ORC5: variants seen among roughly 807,000 people sequenced by gnomAD.
The protein encoded by ORC5 is protein phosphatase 1, regulatory subunit 117.
In ORC5, 39 loss-of-function variants were observed where a neutral mutation model predicts 58.8. The observed-to-expected ratio is 0.66, with a 90% CI of 0.51 to 0.87. The LOEUF is 0.87. Ranked by LOEUF, ORC5 falls within the 40% of genes least tolerant of loss-of-function variation. ORC5 has a pLI of 0.00. For synonymous variants in ORC5, 218 were observed against 177.6 expected (o/e 1.23, Z -1.81); for missense variants, 493 against 506.3 (o/e 0.97, Z 0.25).
At chr7:104,172,729 G>C (rs1457303990) in intron 8 of ORC5, among the ~76,000 whole-genome samples, 2 of 152,146 alleles carry the variant, frequency 1.3e-5, no homozygotes, top group East Asian at 3.8e-4. Context: ...AAAGCCTAGA[G>C]GTTTTAGGAC....
chr7:104,207,704 C>T, intron 1 of ORC5, 129 bp downstream of exon 1: 1 of 747,744 alleles, frequency 1.3e-6, no homozygotes, highest in South Asian at 1.7e-5. Flanking sequence ...AGAACCACAA[C>T]ACCCCTATTT....
At position 104,164,777 on chromosome 7, in the gene ORC5, G is replaced by C. The variant is rs139032798; in HGVS notation, c.1038+458C>G. Among the ~76,000 whole-genome samples, 747 of 152,266 alleles carry C rather than the reference G, an allele frequency of 4.9e-3. 4 individuals carry two copies. The highest frequency in any genetic ancestry group is 0.017 in the Middle Eastern group (5 of 294). On this transcript the variant is annotated intron_variant, in intron 11 of 13. Coordinates refer to ENST00000297431, the MANE Select transcript of ORC5 (RefSeq NM_002553.4). ...TTTCCAGATTCCTAAGGCCAAATTA[G>C]CTAAGTTTGAGGCTTAGGTTTTAGC...
chr7:104,188,150 T>C, intron 6 of ORC5, 101 bp downstream of exon 6: 1 of 1,006,602 alleles, frequency 9.9e-7, no homozygotes, highest in East Asian at 2.7e-5. Flanking sequence ...TCTCATACCA[T>C]TTCTACATGG....
At chr7:104,191,374 T>C (rs1237491722) in intron 5 of ORC5, among the ~76,000 whole-genome samples, 2 of 151,960 alleles carry the variant, frequency 1.3e-5, no homozygotes, top group African/African-American at 4.8e-5. Flanking sequence ...TTAACATACA[T>C]AAAGCAAAAC....
intron 1 of ORC5, among the ~76,000 whole-genome samples, chr7:104,205,888 G>T (rs1800068763): frequency 6.6e-6 from 1 of 152,118 alleles, no homozygotes; most frequent in African/African-American, 2.4e-5. Context: ...AAACACCTGT[G>T]GTCCCAGCTA....
intron 5 of ORC5, among the ~76,000 whole-genome samples, chr7:104,192,207 A>G (rs10272659): frequency 0.1 from 15,626 of 152,170 alleles, 2,657 homozygotes; most frequent in African/African-American, 0.36. Flanking sequence ...GAGGGGAGGA[A>G]GCTATGCCAA....
chr7:104,171,461 T>C (rs914796870), intron 8 of ORC5, among the ~76,000 whole-genome samples: 2 of 152,234 alleles, frequency 1.3e-5, no homozygotes, highest in African/African-American at 4.8e-5. Context: ...GTTTCTTTAA[T>C]ATATGGTGCT....
rs1174546716 is a variant in ORC5, at chr7:104,200,875, A to G, written c.249T>C (p.Leu83=). The G allele has an allele frequency of 1.2e-6, 2 of 1,613,196 alleles. No homozygotes were observed. Among genetic ancestry groups the G allele is most frequent in the Non-Finnish European group, 1.7e-6 (2 of 1,179,188 alleles). The part of the protein sequence containing the change: ...LEQILNKLNH[L]SSSEDGCSTE... ...TAGAACATCCATCCTCTGAAGAACT[A>G]AGATGATTCAATTTGTTTAAAATTT... Residue 83 remains leucine (L), a synonymous_variant, in exon 3 of 14, where the codon CTT becomes CTC. Transcript: ENST00000297431.
intron 5 of ORC5, among the ~76,000 whole-genome samples, chr7:104,190,753 G>C (rs1253523082): frequency 6.6e-6 from 1 of 151,746 alleles, no homozygotes; most frequent in Non-Finnish European, 1.5e-5. Flanking sequence ...TAGTTCCAGA[G>C]GGCTCAAGTT....
intron 10 of ORC5, 21 bp from the exon 11 acceptor site, chr7:104,165,303 T>C (rs762327230): frequency 6.9e-7 from 1 of 1,439,798 alleles, no homozygotes; most frequent in Non-Finnish European, 9.6e-7. Flanking sequence ...GGAAAACAAA[T>C]TTTAAGTTGA....
rs185983491 is a variant in ORC5 at position 104,164,836 on chromosome 7, T to C, written c.1038+399A>G. Among the ~76,000 whole-genome samples the C allele has an allele frequency of 2.6e-5, 4 of 152,310 alleles. No homozygotes were observed. In the East Asian group the frequency reaches 7.7e-4, roughly 29 times the overall value. On this transcript the variant is annotated intron_variant, in intron 11 of 13. Coordinates refer to ENST00000297431, the MANE Select transcript of ORC5 (RefSeq NM_002553.4). ...TAATCTGCTTGGTCACCTCAATATC[T>C]ACCTACCATGCAATTGCAAATTCTG...
At chr7:104,171,896 T>C (rs1799218811) in intron 8 of ORC5, among the ~76,000 whole-genome samples, 2 of 152,144 alleles carry the variant, frequency 1.3e-5, no homozygotes, top group East Asian at 3.8e-4. Flanking sequence ...ACTTTGATTC[T>C]CCAGTAGCCA....
intron 12 of ORC5, among the ~76,000 whole-genome samples, chr7:104,156,377 A>G (rs944826263): frequency 1.3e-5 from 2 of 151,874 alleles, no homozygotes; most frequent in African/African-American, 4.8e-5. Flanking sequence ...TTAAAATTCA[A>G]TAGAGAATGA....
At chr7:104,161,588 G>A (rs1799023259) in intron 11 of ORC5, among the ~76,000 whole-genome samples, 1 of 152,030 alleles carries the variant, frequency 6.6e-6, no homozygotes, top group Non-Finnish European at 1.5e-5. Context: ...GCCCAGACTG[G>A]TCTTAAACTC....
intron 5 of ORC5, among the ~76,000 whole-genome samples, chr7:104,193,570 A>C (rs182310955): frequency 3.3e-5 from 5 of 152,258 alleles, no homozygotes; most frequent in African/African-American, 1.2e-4. Flanking sequence ...CATATTCCTG[A>C]AAAGGACATG....
intron 12 of ORC5, among the ~76,000 whole-genome samples, chr7:104,158,683 T>G (rs528602186): frequency 6.6e-6 from 1 of 151,904 alleles, no homozygotes; most frequent in Non-Finnish European, 1.5e-5. Context: ...GAACAGACAC[T>G]TCTCAAAAGA....
intron 5 of ORC5, among the ~76,000 whole-genome samples, chr7:104,188,801 A>G (rs568003658): frequency 6.6e-6 from 1 of 152,176 alleles, no homozygotes; most frequent in Admixed American, 6.5e-5. Context: ...TTGAATCATG[A>G]GGCAGACTTC....
At chr7:104,206,855 G>T (rs939621163) in intron 1 of ORC5, among the ~76,000 whole-genome samples, 1 of 152,200 alleles carries the variant, frequency 6.6e-6, no homozygotes, top group East Asian at 1.9e-4. Flanking sequence ...ATTCAGTATA[G>T]TAGCACCGCT....
intron 12 of ORC5, among the ~76,000 whole-genome samples, chr7:104,151,334 CTAA>C (rs1798843478): frequency 6.6e-6 from 1 of 151,970 alleles, no homozygotes; most frequent in Non-Finnish European, 1.5e-5. Context: ...GTGCAACTGC[CTAA>C]TAAGGAAGCT....
Sources: allele counts gnomAD v4.1 joint callset (sites outside exome capture counted in the v4.1 genomes callset), GRCh38; gene constraint gnomAD v4.1.1; transcripts MANE v1.5; gene names NCBI Gene and HGNC (gene_info 2026-07-23, HGNC 2026-07-21).